CCDC85A: variants seen among roughly 807,000 people sequenced by gnomAD.
The protein encoded by CCDC85A is coiled-coil domain containing 85A.
Under a neutral mutation model 50.2 loss-of-function variants are expected in CCDC85A, and 38 were observed. The ratio of observed to expected loss-of-function variants is 0.76; its 90% CI spans 0.58 to 0.99. The LOEUF is 0.99. Among genes scored for constraint, CCDC85A ranks in the 50% least tolerant of loss-of-function variants. The pLI is 0.00. For synonymous variants in CCDC85A, 366 were observed against 301.4 expected (o/e 1.21, Z -2.22); for missense variants, 820 against 742.0 (o/e 1.11, Z -1.22).
At chr2:56,341,185 A>C (rs1415324469) in intron 2 of CCDC85A, among the ~76,000 whole-genome samples, 1 of 152,172 alleles carries the variant, frequency 6.6e-6, no homozygotes, top group Admixed American at 6.5e-5. Flanking sequence ...TCGCATTTCC[A>C]GAGGAAGATC....
chr2:56,339,981 A>G (rs1331678328), intron 2 of CCDC85A, among the ~76,000 whole-genome samples: 1 of 151,756 alleles, frequency 6.6e-6, no homozygotes, highest in Non-Finnish European at 1.5e-5. Context: ...ATCTTTAGCA[A>G]ATATCTTCAG....
chr2:56,225,999 A>G (rs1391093010), intron 2 of CCDC85A, among the ~76,000 whole-genome samples: 1 of 152,194 alleles, frequency 6.6e-6, no homozygotes, highest in Non-Finnish European at 1.5e-5. Flanking sequence ...ACACATTGGA[A>G]TATATGGAGA....
At chr2:56,277,219 T>C (rs1432239291) in intron 2 of CCDC85A, among the ~76,000 whole-genome samples, 1 of 152,238 alleles carries the variant, frequency 6.6e-6, no homozygotes, top group East Asian at 1.9e-4. Context: ...ATGTCTGTTT[T>C]CTAATAATTA....
chr2:56,314,919 A>G (rs892837825), intron 2 of CCDC85A, among the ~76,000 whole-genome samples: 1 of 152,076 alleles, frequency 6.6e-6, no homozygotes, highest in Admixed American at 6.6e-5. Flanking sequence ...CATCACTTAG[A>G]GGAAAGGGTG....
intron 2 of CCDC85A, among the ~76,000 whole-genome samples, chr2:56,257,900 A>G (rs981086613): frequency 6.6e-6 from 1 of 152,186 alleles, no homozygotes; most frequent in Non-Finnish European, 1.5e-5. Flanking sequence ...GGGGAGAGAA[A>G]GGTAATGAAG....
intron 5 of CCDC85A, among the ~76,000 whole-genome samples, chr2:56,377,950 A>T (rs1225152737): frequency 6.6e-6 from 1 of 152,138 alleles, no homozygotes; most frequent in Non-Finnish European, 1.5e-5. Flanking sequence ...TATTCAGTAC[A>T]CATAAGTGTC....
intron 2 of CCDC85A, among the ~76,000 whole-genome samples, chr2:56,198,908 A>T (rs905537456): frequency 6.6e-6 from 1 of 152,214 alleles, no homozygotes; most frequent in African/African-American, 2.4e-5. Flanking sequence ...CTAATGTTCA[A>T]ATGTGTCTGG....
At chr2:56,331,934 C>T (rs762356332) in intron 2 of CCDC85A, among the ~76,000 whole-genome samples, 4 of 152,200 alleles carry the variant, frequency 2.6e-5, no homozygotes, top group East Asian at 1.9e-4. Flanking sequence ...CTGCTGCCCC[C>T]TGCCCCCTCC....
intron 2 of CCDC85A, among the ~76,000 whole-genome samples, chr2:56,322,188 C>T (rs548136190): frequency 6.6e-6 from 1 of 152,308 alleles, no homozygotes; most frequent in Non-Finnish European, 1.5e-5. Flanking sequence ...GCCATAAAAA[C>T]TCTAGAAGAA....
intron 2 of CCDC85A, among the ~76,000 whole-genome samples, chr2:56,223,435 T>G (rs1343244064): frequency 2.0e-5 from 3 of 152,154 alleles, no homozygotes; most frequent in African/African-American, 7.2e-5. Context: ...GAATTTGGCC[T>G]CTATGGAGCA....
In CCDC85A at chr2:56,353,164, A is replaced by G. The variant is rs141899491; in HGVS notation, c.1317+10209A>G. Among the ~76,000 whole-genome samples, 29 of 152,350 alleles carry G rather than the reference A, an allele frequency of 1.9e-4. No homozygotes were observed. The East Asian group carries it at 4.6e-3, about 24-fold the overall frequency. On this transcript the variant is annotated intron_variant, in intron 3 of 5. Coordinates refer to ENST00000407595, the MANE Select transcript of CCDC85A (RefSeq NM_001080433.2). ...GTTTCATTAGATAGCTATTAAATCT[A>G]TTTAAATAACATACAGTCATGGACA...
At chr2:56,337,625 T>G (rs1352757229) in intron 2 of CCDC85A, among the ~76,000 whole-genome samples, 1 of 152,210 alleles carries the variant, frequency 6.6e-6, no homozygotes, top group Non-Finnish European at 1.5e-5. Context: ...TTGATGCATT[T>G]TAAGCTTCAG....
At chr2:56,321,879 C>T (rs1376606129) in intron 2 of CCDC85A, among the ~76,000 whole-genome samples, 1 of 152,184 alleles carries the variant, frequency 6.6e-6, no homozygotes, top group Non-Finnish European at 1.5e-5. Flanking sequence ...ATCAAGCTAC[C>T]TGACTTCAAA....
At chr2:56,228,841 C>G (rs1404648013) in intron 2 of CCDC85A, among the ~76,000 whole-genome samples, 1 of 152,062 alleles carries the variant, frequency 6.6e-6, no homozygotes, top group Non-Finnish European at 1.5e-5. Context: ...CCCTTTCTCC[C>G]GTTTATTTCC....
chr2:56,314,094 G>A lies in CCDC85A; in HGVS notation c.1241-28785G>A, dbSNP rs1028316109. On this transcript the variant is annotated intron_variant, in intron 2 of 5. Transcript: ENST00000407595. The stretch of plus-strand genomic sequence containing the variant: ...GAGTTGAGATTGGATCTAGTATGAA[G>A]CAGAAAAGACCAGGGACGGGAATCA... Among the ~76,000 whole-genome samples, 5 of 147,930 alleles carry A rather than the reference G, an allele frequency of 3.4e-5. No individual in the cohort carries two copies. In the Admixed American group the frequency reaches 3.5e-4, roughly 10 times the overall value.
chr2:56,228,033 A>G (rs549335515), intron 2 of CCDC85A, among the ~76,000 whole-genome samples: 1 of 152,206 alleles, frequency 6.6e-6, no homozygotes, highest in Admixed American at 6.5e-5. Flanking sequence ...AGATTGAAAT[A>G]CTTTTTCCAA....
intron 1 of CCDC85A, among the ~76,000 whole-genome samples, chr2:56,189,361 G>C (rs914370692): frequency 7.1e-6 from 1 of 139,872 alleles, no homozygotes; most frequent in African/African-American, 2.7e-5. Flanking sequence ...TCGTGATCTT[G>C]GCTCACTGCA....
At chr2:56,365,579 G>A (rs10179093) in intron 3 of CCDC85A, among the ~76,000 whole-genome samples, 6,106 of 152,068 alleles carry the variant, frequency 0.04, 399 homozygotes, top group African/African-American at 0.14. Context: ...TCACTCTGGG[G>A]TATAAATTAC....
At chr2:56,202,845 G>A (rs1379119597) in intron 2 of CCDC85A, among the ~76,000 whole-genome samples, 3 of 152,134 alleles carry the variant, frequency 2.0e-5, no homozygotes, top group South Asian at 2.1e-4. Flanking sequence ...GACAGCAAAT[G>A]CCAATTCACC....
Sources: gnomAD v4.1 joint callset for allele counts (sites outside exome capture counted in the v4.1 genomes callset) on GRCh38, gnomAD v4.1.1 for gene constraint, MANE v1.5 for transcripts, NCBI Gene and HGNC (gene_info 2026-07-23, HGNC 2026-07-21) for gene names.